Variants in SIPA1L3 observed in about 807,000 individuals in gnomAD.
SIPA1L3 encodes the protein signal-induced proliferation-associated 1-like protein 3.
In SIPA1L3, 59 loss-of-function variants were observed where a neutral mutation model predicts 150.1. That is an observed-to-expected ratio of 0.39 (90% CI 0.32 to 0.49). The LOEUF is 0.49. SIPA1L3 is among the 20% of genes least tolerant of loss of function. The probability of loss-of-function intolerance (pLI) is 0.86; values close to 1 mark genes in which losing one functional copy is unlikely to be tolerated. For synonymous variants in SIPA1L3, 1,070 were observed against 1,077.6 expected (o/e 0.99, Z 0.14); for missense variants, 2,211 against 2,489.5 (o/e 0.89, Z 2.38).
chr19:38,117,222 A>T (rs1165531510), intron 8 of SIPA1L3, among the ~76,000 whole-genome samples: 1 of 151,640 alleles, frequency 6.6e-6, no homozygotes, highest in Non-Finnish European at 1.5e-5. Flanking sequence ...GGAGGCAGGG[A>T]AGTGCCATGT....
In SIPA1L3 at chr19:38,116,832, C is replaced by T. The variant is rs547783289; in HGVS notation, c.2292-2474C>T. ...TCACGCCACTGCACTCCAGCCTGGG[C>T]GACAGAGCGAGGCTCCATCTCAAAA... On this transcript the variant is annotated intron_variant, in intron 8 of 21. Coordinates refer to ENST00000222345, the MANE Select transcript of SIPA1L3 (RefSeq NM_015073.3). 1.1e-3 allele frequency among the ~76,000 whole-genome samples: 171 copies of T among 152,156 alleles called. 8 individuals carry two copies. Among genetic ancestry groups the T allele is most frequent in the Admixed American group, 0.011 (171 of 15,274 alleles).
intron 6 of SIPA1L3, among the ~76,000 whole-genome samples, chr19:38,101,520 C>G (rs1197037966): frequency 6.6e-6 from 1 of 152,086 alleles, no homozygotes; most frequent in East Asian, 1.9e-4. Flanking sequence ...GCAAGATTCT[C>G]CTGCCTCAGC....
chr19:38,140,554 G>A (rs1189589302), intron 10 of SIPA1L3, among the ~76,000 whole-genome samples: 7 of 152,168 alleles, frequency 4.6e-5, no homozygotes, highest in South Asian at 2.1e-4. Flanking sequence ...AGGCAGGTCT[G>A]TCGAGGACAC....
At position 38,082,056 on chromosome 19, in the gene SIPA1L3, TC is replaced by T; in HGVS notation, c.496del (p.Leu166PhefsTer57). ...GWPRSPGRAF[L>X]PLRHRSSSEI... ...CCCCGGTCCCCCGGCAGGGCCTTCC[TC>T]CCCCTTCGGCACCGCAGCAGCAGCG... On this transcript the variant is annotated frameshift_variant, in exon 3 of 22. Transcript: ENST00000222345. LOFTEE classifies it high-confidence loss of function. The T allele has an allele frequency of 6.2e-7, 1 of 1,613,402 alleles. No individual in the cohort carries two copies. The highest frequency in any genetic ancestry group is 8.5e-7 in the Non-Finnish European group (1 of 1,179,950).
At chr19:38,059,025 C>CA (rs74176410) in intron 2 of SIPA1L3, among the ~76,000 whole-genome samples, 4,690 of 90,658 alleles carry the variant, frequency 0.052, 159 homozygotes, top group African/African-American at 0.12. Flanking sequence ...AACTCTGTCT[C>CA]AAAAAAAAAA....
At chr19:37,933,674 G>T (rs1052085156) in intron 1 of SIPA1L3, among the ~76,000 whole-genome samples, 6 of 152,180 alleles carry the variant, frequency 3.9e-5, no homozygotes, top group African/African-American at 1.4e-4. Flanking sequence ...GGGTGAGGCG[G>T]CATGTGCAGA....
chr19:38,104,422 C>T (rs1209398158), intron 6 of SIPA1L3, among the ~76,000 whole-genome samples: 6 of 152,172 alleles, frequency 3.9e-5, no homozygotes, highest in Non-Finnish European at 7.3e-5. Context: ...TCAGCTTTGC[C>T]CCAAACATCC....
In SIPA1L3 at chr19:38,142,693, C is replaced by T. The variant is rs1971619734; in HGVS notation, c.3516C>T (p.Tyr1172=). The change falls in exon 12 of 22, where the codon TAC becomes TAT. Residue 1172 remains tyrosine, a synonymous_variant. Transcript: ENST00000222345. ...STPGSATYVR[Y]KPSPERYTAA... is the part of the protein sequence containing the mutation. Reference sequence around the variant, plus strand: ...CCGGTTCGGCCACCTACGTGAGATACAAGCCATCCCCAGAAAGGTCAGCCT... The same window carrying T: ...CCGGTTCGGCCACCTACGTGAGATATAAGCCATCCCCAGAAAGGTCAGCCT... 9 of 1,613,566 alleles carry T rather than the reference C, an allele frequency of 5.6e-6. No individual in the cohort carries two copies. Among genetic ancestry groups the T allele is most frequent in the Non-Finnish European group, 7.6e-6 (9 of 1,179,728 alleles).
At chr19:38,154,592 C>T (rs933175708) in intron 13 of SIPA1L3, among the ~76,000 whole-genome samples, 5 of 152,100 alleles carry the variant, frequency 3.3e-5, no homozygotes, top group African/African-American at 1.2e-4. Flanking sequence ...AGACTACAGA[C>T]ATGCGCCACC....
rs1409265195 is a variant in SIPA1L3, at chr19:38,164,267, A to G, written c.3781-212A>G. ...GTTCCTCTGAGCAGCCCCATGAGGC[A>G]GGCTTACTATCACCCTCCATTTTAC... is the stretch of plus-strand genomic sequence containing the variant. On this transcript the variant is annotated intron_variant, in intron 14 of 21. Transcript: ENST00000222345. This position sits in a 1 kb window ranked among gnomAD's most constrained non-coding sequence, Gnocchi z 4.1. 6.6e-6 allele frequency among the ~76,000 whole-genome samples: 1 copy of G among 152,164 alleles called. No individual in the cohort carries two copies. Among genetic ancestry groups the G allele is most frequent in the Non-Finnish European group, 1.5e-5 (1 of 68,016 alleles).
intron 1 of SIPA1L3, among the ~76,000 whole-genome samples, chr19:37,919,813 C>T (rs1393586790): frequency 1.4e-5 from 2 of 147,784 alleles, no homozygotes; most frequent in African/African-American, 5.0e-5. Context: ...CGGGTTCAAG[C>T]AATTCTCCTG....
intron 2 of SIPA1L3, among the ~76,000 whole-genome samples, chr19:38,070,766 C>A (rs1969697627): frequency 6.6e-6 from 1 of 152,162 alleles, no homozygotes; most frequent in African/African-American, 2.4e-5. Context: ...CTTGTACGTG[C>A]CCAGAAACTG....
At position 38,101,312 on chromosome 19, in the gene SIPA1L3, G is replaced by C. The variant is rs557383530; in HGVS notation, c.2029+86G>C. Reference sequence around the variant, plus strand: ...AGCTTAAAAGGCCTGGGGATGCCACGGTGGGGACGTGGAGCAGTGGGAGCT... The same window carrying C: ...AGCTTAAAAGGCCTGGGGATGCCACCGTGGGGACGTGGAGCAGTGGGAGCT... On this transcript the variant is annotated intron_variant, in intron 6 of 21. Coordinates refer to ENST00000222345, the MANE Select transcript of SIPA1L3 (RefSeq NM_015073.3). The C allele has an allele frequency of 1.2e-4, 119 of 993,918 alleles. No individual in the cohort carries two copies. The African/African-American group carries it at 1.7e-3, about 14-fold the overall frequency. 61.6% of individuals were successfully genotyped at this position (993,918 alleles called of 1,614,324 possible).
chr19:38,103,740 G>A (rs758602116), intron 6 of SIPA1L3, among the ~76,000 whole-genome samples: 2 of 151,102 alleles, frequency 1.3e-5, no homozygotes, highest in Non-Finnish European at 3.0e-5. Flanking sequence ...TGGCTAACAG[G>A]GTGAAACACC....
chr19:37,991,234 AAAAGAAAG>A (rs561742926), intron 1 of SIPA1L3, among the ~76,000 whole-genome samples: 9 of 152,164 alleles, frequency 5.9e-5, no homozygotes, highest in East Asian at 1.9e-4. Context: ...TCTGTCTCAA[AAAAGAAAG>A]AAAGAAAGAA....
intron 15 of SIPA1L3, among the ~76,000 whole-genome samples, chr19:38,175,517 A>G (rs918493886): frequency 6.6e-6 from 1 of 152,182 alleles, no homozygotes; most frequent in Non-Finnish European, 1.5e-5. Flanking sequence ...GATGTCAAGC[A>G]GGTTAATGCA....
intron 2 of SIPA1L3, among the ~76,000 whole-genome samples, chr19:38,030,503 G>A (rs1368766883): frequency 1.3e-5 from 2 of 151,914 alleles, no homozygotes; most frequent in African/African-American, 2.4e-5. Flanking sequence ...CAAGGCTGCT[G>A]TGAGACCCTG....
intron 1 of SIPA1L3, among the ~76,000 whole-genome samples, chr19:37,943,708 A>C (rs949365757): frequency 6.6e-6 from 1 of 152,060 alleles, no homozygotes; most frequent in Non-Finnish European, 1.5e-5. Context: ...TCCAGCTGTA[A>C]AGGGAGCTCA....
At chr19:37,950,100 A>G (rs926744988) in intron 1 of SIPA1L3, among the ~76,000 whole-genome samples, 265 of 150,198 alleles carry the variant, frequency 1.8e-3, no homozygotes, top group Non-Finnish European at 2.8e-3. Flanking sequence ...AAAAAAAAAA[A>G]GAGTGTGACC....
Sources: allele counts gnomAD v4.1 joint callset (sites outside exome capture counted in the v4.1 genomes callset), GRCh38; gene constraint gnomAD v4.1.1; non-coding constraint Gnocchi (gnomAD v3.1); transcripts MANE v1.5; gene names NCBI Gene and HGNC (gene_info 2026-07-23, HGNC 2026-07-21).